CDH24: variants seen among roughly 807,000 people sequenced by gnomAD.
CDH24 encodes cadherin-24.
A neutral mutation model predicts 71.2 loss-of-function variants in CDH24; 61 were observed. The observed-to-expected ratio is 0.86, with a 90% CI of 0.70 to 1.06. The LOEUF is 1.06. CDH24 is among the 50% of genes least tolerant of loss of function. CDH24 has a pLI of 0.00. For synonymous variants in CDH24, 440 were observed against 470.2 expected (o/e 0.94, Z 0.83); for missense variants, 961 against 1,083.7 (o/e 0.89, Z 1.59).
chr14:23,052,156 C>T, intron 8 of CDH24: 1 of 918,406 alleles, frequency 1.1e-6, no homozygotes, highest in Non-Finnish European at 1.7e-6. Flanking sequence ...TAGTTTATTT[C>T]TGGGTTGGGG....
intron 11 of CDH24, 88 bp downstream of exon 11, chr14:23,048,939 G>A (rs1594723139): frequency 6.8e-7 from 1 of 1,476,860 alleles, no homozygotes; most frequent in East Asian, 2.3e-5. Flanking sequence ...GCCCTAAGGT[G>A]GATTTCCCTG....
chr14:23,049,429 T>C (rs532988960), intron 10 of CDH24, among the ~76,000 whole-genome samples, 154 bp from the exon 11 acceptor site: 2 of 151,696 alleles, frequency 1.3e-5, no homozygotes, highest in Admixed American at 6.6e-5. Context: ...AGCCAGCCCA[T>C]AGGTCCAGCC....
intron 7 of CDH24, among the ~76,000 whole-genome samples, chr14:23,053,254 G>A (rs2047097705): frequency 6.6e-6 from 1 of 152,216 alleles, no homozygotes; most frequent in Admixed American, 6.5e-5. Context: ...CACTTGCACT[G>A]CCACTGGGAG....
Position 23,054,558 on chromosome 14 carries a change from C to G in CDH24, c.732G>C (p.Thr244=). 9 of 1,614,070 alleles carry G rather than the reference C, an allele frequency of 5.6e-6. No homozygotes were observed. The highest frequency in any genetic ancestry group is 7.6e-6 in the Non-Finnish European group (9 of 1,179,982). The change falls in exon 5 of 13, where the codon ACG becomes ACC. Residue 244 remains threonine, a synonymous_variant. Coordinates refer to ENST00000487137, the MANE Select transcript of CDH24 (RefSeq NM_144985.4). The surrounding 1 kb of genome is among the most constrained non-coding windows in gnomAD (Gnocchi z 5.2). The part of the protein sequence containing the change: ...GHMGGLSGST[T]VTVTLSDVND... ...TGACATCGCTGAGCGTGACAGTCAC[C>G]GTAGTGCTGCCTGACAGCCCCCCCA...
At chr14:23,056,225 A>G (rs990065083) in intron 1 of CDH24, among the ~76,000 whole-genome samples, 1 of 152,200 alleles carries the variant, frequency 6.6e-6, no homozygotes, top group African/African-American at 2.4e-5. Context: ...CGGAGTTGGG[A>G]TTCATGGAGG....
rs911708610 is a variant in CDH24 at position 23,051,701 on chromosome 14, A to C, written c.1363+772T>G. Among the ~76,000 whole-genome samples the C allele has an allele frequency of 1.3e-5, 2 of 152,220 alleles. No individual in the cohort carries two copies. Among genetic ancestry groups the C allele is most frequent in the African/African-American group, 4.8e-5 (2 of 41,462 alleles). Reference sequence around the variant, plus strand: ...GCTGAGAACATACCCACATGTGCACATTCATATAGGCCTTCACTGACACAT... The same window carrying C: ...GCTGAGAACATACCCACATGTGCACCTTCATATAGGCCTTCACTGACACAT... On this transcript the variant is annotated intron_variant, in intron 8 of 12. Transcript: ENST00000487137. The surrounding 1 kb of genome is among the most constrained non-coding windows in gnomAD (Gnocchi z 4.4).
Position 23,047,849 on chromosome 14 carries a change from G to A in CDH24, c.*131C>T, listed in dbSNP as rs1816928236. ...AGCGAGGGTGCCCCGGGGAAGCAAG[G>A]AGGGACACAAGGACAGGGAGGAGGC... On this transcript the variant is annotated 3_prime_UTR_variant, in exon 12 of 13. Coordinates refer to ENST00000487137, the MANE Select transcript of CDH24 (RefSeq NM_144985.4). 9.3e-6 allele frequency: 5 copies of A among 538,462 alleles called. No individual in the cohort carries two copies. The highest frequency in any genetic ancestry group is 4.6e-5 in the Admixed American group (1 of 21,974). 33.4% of individuals were successfully genotyped at this position (538,462 alleles called of 1,614,324 possible).
Position 23,052,508 on chromosome 14 carries a change from G to C in CDH24, c.1328C>G (p.Ala443Gly). 3 of 1,614,040 alleles carry C rather than the reference G, an allele frequency of 1.9e-6. No individual in the cohort carries two copies. The highest frequency in any genetic ancestry group is 2.5e-6 in the Non-Finnish European group (3 of 1,180,016). Residue 443 changes from alanine to glycine, a missense_variant, in exon 8 of 13, where the codon GCC becomes GGC. Physicochemically the swap from Ala to Gly is moderately conservative, Grantham distance 60 (BLOSUM62 0). Around this residue, in one of 2 missense-constraint regions of CDH24, gnomAD observed 671 missense variants for 810.9 expected, o/e 0.83. Coordinates refer to ENST00000487137, the MANE Select transcript of CDH24 (RefSeq NM_144985.4). ...TAAPLDREAR[A>G]WHNLTVLATE... ...AGCCAGCACAGTGAGGTTGTGCCAG[G>C]CGCGAGCCTCGCGATCCAGGGGTGC...
At chr14:23,056,720 C>A (rs551694016) in intron 1 of CDH24, among the ~76,000 whole-genome samples, 2 of 152,108 alleles carry the variant, frequency 1.3e-5, no homozygotes, top group Non-Finnish European at 2.9e-5. Flanking sequence ...GGGTGTCAAG[C>A]CAGGCCTCGG....
At chr14:23,052,337 C>T (rs758675975) in intron 8 of CDH24, 136 bp downstream of exon 8, 20 of 968,882 alleles carry the variant, frequency 2.1e-5, no homozygotes, top group Non-Finnish European at 1.8e-5. Context: ...GGCTAGGACT[C>T]AGATCCAGGC....
At position 23,055,689 on chromosome 14, in the gene CDH24, C is replaced by G; in HGVS notation, c.45G>C (p.Trp15Cys). The change falls in exon 2 of 13, where the codon TGG becomes TGC. Residue 15 changes from tryptophan to cysteine, a missense_variant. Trp to Cys is a radical substitution (Grantham distance 215). Coordinates refer to ENST00000487137, the MANE Select transcript of CDH24 (RefSeq NM_144985.4). The surrounding 1 kb of genome is among the most constrained non-coding windows in gnomAD (Gnocchi z 4.1). Reference sequence around the variant, plus strand: ...GGGCTGCCAGACGCCCCATGCAGCCCCAGCCACCCAGCCAGGCCAGCAGGA... The same window carrying G: ...GGGCTGCCAGACGCCCCATGCAGCCGCAGCCACCCAGCCAGGCCAGCAGGA... ...VRLLLAWLGG[W>C]GCMGRLAAPA... 3 of 1,598,754 alleles carry G rather than the reference C, an allele frequency of 1.9e-6. No individual in the cohort carries two copies. Among genetic ancestry groups the G allele is most frequent in the Non-Finnish European group, 2.6e-6 (3 of 1,175,600 alleles).
In CDH24 at chr14:23,052,482, T is replaced by C; in HGVS notation, c.1354A>G (p.Thr452Ala). The change falls in exon 8 of 13, where the codon ACA (threonine) becomes GCA (alanine). Residue 452 changes from threonine (T) to alanine (A), a missense_variant. By Grantham distance (58) the Thr-to-Ala change is moderately conservative. Coordinates refer to ENST00000487137, the MANE Select transcript of CDH24 (RefSeq NM_144985.4). ...RAWHNLTVLA[T>A]ELDSSAQASR... ...GCCCTGGAGTCCTCACCGAGCTCTG[T>C]AGCCAGCACAGTGAGGTTGTGCCAG... 2 of 1,613,798 alleles carry C rather than the reference T, an allele frequency of 1.2e-6. No individual in the cohort carries two copies. Among genetic ancestry groups the C allele is most frequent in the Non-Finnish European group, 1.7e-6 (2 of 1,179,966 alleles).
rs1254561692 is a variant in CDH24 at position 23,054,087 on chromosome 14, G to A, written c.972+54C>T. 2.5e-5 allele frequency: 37 copies of A among 1,507,870 alleles called. No homozygotes were observed. Among genetic ancestry groups the A allele is most frequent in the Non-Finnish European group, 3.3e-5 (37 of 1,120,466 alleles). The allele number at this position is 1,507,870 out of a possible 1,614,324, so 93.4% of individuals were successfully genotyped here. A position where few individuals can be genotyped will look rare whatever the true frequency, so the allele number is the denominator to read the frequency against. On this transcript the variant is annotated intron_variant, in intron 6 of 12. Transcript: ENST00000487137. The surrounding 1 kb of genome is among the most constrained non-coding windows in gnomAD (Gnocchi z 5.2). The stretch of plus-strand genomic sequence containing the variant: ...AGAAGAACAGTTAAATATGTGCCCT[G>A]TGGGTCGGCAGGAGGCAGGTCTAAG...
At position 23,054,467 on chromosome 14, in the gene CDH24, G is replaced by T; in HGVS notation, c.784+39C>A. 1 of 1,595,962 alleles carries T rather than the reference G, an allele frequency of 6.3e-7. No homozygotes were observed. The highest frequency in any genetic ancestry group is 1.1e-5 in the South Asian group (1 of 88,268). On this transcript the variant is annotated intron_variant, in intron 5 of 12. Transcript: ENST00000487137. This position sits in a 1 kb window ranked among gnomAD's most constrained non-coding sequence, Gnocchi z 5.2. The stretch of plus-strand genomic sequence containing the variant: ...TCTCCAGACACTGTAGGGGTGGGGT[G>T]ATCAAAGGATGGCTCAGGTGGCAGC...
chr14:23,049,484 A>C, intron 10 of CDH24, 143 bp downstream of exon 10: 2 of 684,792 alleles, frequency 2.9e-6, no homozygotes. Context: ...AGAGCCAACG[A>C]ATGAGTACAA....
At chr14:23,048,773 G>A (rs146324559) in intron 11 of CDH24, among the ~76,000 whole-genome samples, 7 of 152,172 alleles carry the variant, frequency 4.6e-5, no homozygotes, top group Non-Finnish European at 7.3e-5. Flanking sequence ...CACAAGTGAC[G>A]TGCCCAGCAC....
At chr14:23,052,034 C>T (rs1364418349) in intron 8 of CDH24, 4 of 1,585,920 alleles carry the variant, frequency 2.5e-6, no homozygotes, top group Non-Finnish European at 3.4e-6. Flanking sequence ...GTGCACTCCA[C>T]TCAGCAACCA....
rs1257407399 is a variant in CDH24 at position 23,055,123 on chromosome 14, G to A, written c.432C>T (p.Asn144=). The A allele has an allele frequency of 6.8e-6, 11 of 1,614,104 alleles. No individual in the cohort carries two copies. Among genetic ancestry groups the A allele is most frequent in the African/African-American group, 1.3e-5 (1 of 75,034 alleles). ...SEFIIKVQDI[N]DNPPIFPLGP... Reference sequence around the variant, plus strand: ...CAAGGGGAAAAATGGGTGGATTGTCGTTGATGTCTTGCACTTTGATGATGA... The same window carrying A: ...CAAGGGGAAAAATGGGTGGATTGTCATTGATGTCTTGCACTTTGATGATGA... The change falls in exon 3 of 13, where the codon AAC becomes AAT. Residue 144 remains asparagine (N), a synonymous_variant. Transcript: ENST00000487137. This position sits in a 1 kb window ranked among gnomAD's most constrained non-coding sequence, Gnocchi z 4.1.
In CDH24 at chr14:23,048,228, C is replaced by T. The variant is rs975462586; in HGVS notation, c.2098G>A (p.Ala700Thr). The T allele has an allele frequency of 2.8e-5, 36 of 1,302,208 alleles. No individual in the cohort carries two copies. The African/African-American group carries it at 5.0e-4, about 18-fold the overall frequency. 80.7% of individuals were successfully genotyped at this position (1,302,208 alleles called of 1,614,324 possible). A position where few individuals can be genotyped will look rare whatever the true frequency, so the allele number is the denominator to read the frequency against. Residue 700 changes from alanine to threonine, a missense_variant, in exon 12 of 13, where the codon GCC becomes ACC. By Grantham distance (58) the Ala-to-Thr change is moderately conservative (BLOSUM62 0). This residue lies in a region of CDH24 where 290 missense variants were observed against 272.8 expected (regional missense o/e 1.06). Transcript: ENST00000487137. ...VSRQPRPPGP[A>T]DVAQLLALRL... The stretch of plus-strand genomic sequence containing the variant: ...AGCGCCAGGAGCTGCGCCACGTCGG[C>T]GGGGCCGGGGGGTCTGGGCTGGCGC...
Sources: gnomAD v4.1 joint callset for allele counts (sites outside exome capture counted in the v4.1 genomes callset) on GRCh38, gnomAD v4.1.1 for gene constraint, gnomAD v4.1.1 regional missense constraint, Gnocchi (gnomAD v3.1) non-coding constraint, MANE v1.5 for transcripts, NCBI Gene and HGNC (gene_info 2026-07-23, HGNC 2026-07-21) for gene names.